Variants in KLF8 observed in about 807,000 individuals in gnomAD.
The protein encoded by KLF8 is Krueppel-like factor 8.
A neutral mutation model predicts 18.2 loss-of-function variants in KLF8; 10 were observed. That is an observed-to-expected ratio of 0.55 (90% CI 0.34 to 0.93). The LOEUF (loss-of-function observed/expected upper bound fraction) is 0.93. Among genes scored for constraint, KLF8 ranks in the 40% least tolerant of loss-of-function variants. KLF8 has a pLI of 0.02. For missense variants in KLF8, 264 were observed against 277.9 expected (o/e 0.95, Z 0.36); for synonymous variants, 109 against 97.3 (o/e 1.12, Z -0.71).
At chrX:56,114,668 T>C in the KLF8 span, among the ~76,000 whole-genome samples, 1 of 112,774 alleles carries the variant, frequency 8.9e-6, no homozygotes, top group Non-Finnish European at 1.9e-5. Context: ...ATAACTTCCT[T>C]GTTCTTTAGT....
At chrX:56,233,925 AGCCTAGGCTCTGCTC>A (rs1230384103) in intron 1 of KLF8, among the ~76,000 whole-genome samples, 2 of 111,617 alleles carry the variant, frequency 1.8e-5, no homozygotes, top group Non-Finnish European at 3.8e-5. Flanking sequence ...AGGAAGCCAG[AGCCTAGGCTCTGCTC>A]CGGCCCTTTA....
chrX:55,915,505 A>T, the KLF8 span, among the ~76,000 whole-genome samples: 4 of 112,065 alleles, frequency 3.6e-5, no homozygotes, highest in African/African-American at 9.7e-5. Context: ...AAGAAGTAAC[A>T]TGTAAGACAG....
chrX:56,000,731 C>CT, the KLF8 span, among the ~76,000 whole-genome samples: 24 of 110,879 alleles, frequency 2.2e-4, no homozygotes, highest in African/African-American at 7.8e-4. Context: ...TGAATATTCT[C>CT]TTTTTTGTGA....
chrX:56,024,154 C>A, the KLF8 span, among the ~76,000 whole-genome samples: 40 of 110,844 alleles, frequency 3.6e-4, no homozygotes, highest in East Asian at 2.5e-3. Flanking sequence ...ACACTGCGTA[C>A]TGACAATATT....
At chrX:56,237,459 A>G in intron 1 of KLF8, among the ~76,000 whole-genome samples, 2 of 109,705 alleles carry the variant, frequency 1.8e-5, no homozygotes, top group South Asian at 7.7e-4. Context: ...TTCACCTTTT[A>G]TACACAGATA....
chrX:56,083,529 T>C, the KLF8 span, among the ~76,000 whole-genome samples: 1 of 112,167 alleles, frequency 8.9e-6, no homozygotes, highest in Non-Finnish European at 1.9e-5. Context: ...GCAGAGGCTT[T>C]TTACTTTTCA....
the KLF8 span, among the ~76,000 whole-genome samples, chrX:56,096,797 A>C: frequency 2.7e-5 from 3 of 111,371 alleles, no homozygotes; most frequent in Admixed American, 9.6e-5. Flanking sequence ...TAAATTACTA[A>C]TATGAGAAAT....
chrX:56,076,175 A>G, the KLF8 span, among the ~76,000 whole-genome samples: 1 of 109,532 alleles, frequency 9.1e-6, no homozygotes, highest in Admixed American at 9.8e-5. Context: ...GTTTTACGGT[A>G]CATGTGTACA....
chrX:56,282,428 A>G (rs2067213691), intron 5 of KLF8, among the ~76,000 whole-genome samples: 1 of 112,416 alleles, frequency 8.9e-6, no homozygotes, highest in African/African-American at 3.2e-5. Flanking sequence ...GAATATTGAA[A>G]TGATCAGTAA....
At chrX:56,249,577 A>G (rs1400131058) in intron 1 of KLF8, among the ~76,000 whole-genome samples, 1 of 111,472 alleles carries the variant, frequency 9.0e-6, no homozygotes, top group Non-Finnish European at 1.9e-5. Flanking sequence ...TCATAGATGG[A>G]CAAGTTGTGG....
chrX:56,167,680 A>G, the KLF8 span, among the ~76,000 whole-genome samples: 1 of 111,816 alleles, frequency 8.9e-6, no homozygotes, highest in Non-Finnish European at 1.9e-5. Flanking sequence ...GATGACAATG[A>G]TTGAGCCCTT....
At chrX:56,047,936 T>A in the KLF8 span, among the ~76,000 whole-genome samples, 1 of 112,019 alleles carries the variant, frequency 8.9e-6, no homozygotes, top group African/African-American at 3.2e-5. Flanking sequence ...TATACTTTAC[T>A]GACTTTTTAA....
chrX:56,154,877 G>T, the KLF8 span, among the ~76,000 whole-genome samples: 2 of 112,318 alleles, frequency 1.8e-5, no homozygotes, highest in Admixed American at 1.9e-4. Context: ...CTGGCCATCA[G>T]AGAAATGAAA....
the KLF8 span, among the ~76,000 whole-genome samples, chrX:56,142,300 G>A: frequency 1.8e-5 from 2 of 111,245 alleles, no homozygotes; most frequent in African/African-American, 6.5e-5. Context: ...ATTATATGTA[G>A]CAAAAGATAG....
chrX:55,959,302 T>G, the KLF8 span, among the ~76,000 whole-genome samples: 1 of 111,954 alleles, frequency 8.9e-6, no homozygotes, highest in East Asian at 2.8e-4. Flanking sequence ...TAAAGAAACA[T>G]CAGGCCACAC....
chrX:56,015,756 G>A, the KLF8 span, among the ~76,000 whole-genome samples: 2 of 111,577 alleles, frequency 1.8e-5, no homozygotes, highest in East Asian at 5.7e-4. Context: ...GTTAACTAGT[G>A]TACAAAAGGG....
At chrX:56,189,239 A>G in the KLF8 span, among the ~76,000 whole-genome samples, 11 of 112,343 alleles carry the variant, frequency 9.8e-5, no homozygotes, top group East Asian at 2.5e-3. Context: ...TCAAAAAAAG[A>G]CATTTATGCA....
At chrX:56,121,368 A>G in the KLF8 span, among the ~76,000 whole-genome samples, 1 of 110,907 alleles carries the variant, frequency 9.0e-6, no homozygotes, top group African/African-American at 3.3e-5. Flanking sequence ...GTTAGAGAAA[A>G]GGGAGAAAAG....
At chrX:56,222,555 G>C in the KLF8 span, among the ~76,000 whole-genome samples, 1 of 112,893 alleles carries the variant, frequency 8.9e-6, no homozygotes, top group African/African-American at 3.2e-5. Context: ...AGTGGATCTA[G>C]CAGCAGGGTG....
Sources: allele counts gnomAD v4.1 joint callset (sites outside exome capture counted in the v4.1 genomes callset), GRCh38; gene constraint gnomAD v4.1.1; transcripts MANE v1.5; gene names NCBI Gene and HGNC (gene_info 2026-07-23, HGNC 2026-07-21).